TAF4B: variants seen among roughly 807,000 people sequenced by gnomAD.
TAF4B encodes the protein transcription initiation factor TFIID subunit 4B.
A neutral mutation model predicts 86.4 loss-of-function variants in TAF4B; 38 were observed. That is an observed-to-expected ratio of 0.44 (90% CI 0.34 to 0.58). The LOEUF is 0.58. TAF4B is among the 20% of genes least tolerant of loss of function. The pLI is 0.02. For missense variants in TAF4B, 988 were observed against 1,027.6 expected (o/e 0.96, Z 0.53); for synonymous variants, 388 against 391.2 (o/e 0.99, Z 0.10).
rs1483063709 is a variant in TAF4B, at chr18:26,315,246, A to G, written c.1850A>G (p.Asn617Ser). 10 of 1,609,374 alleles carry G rather than the reference A, an allele frequency of 6.2e-6. No homozygotes were observed. The highest frequency in any genetic ancestry group is 4.0e-5 in the African/African-American group (3 of 74,378). ...TSCFRDEDDI[N>S]DVTSMAGVNL... ...TCTATTAGAGATGAGGATGACATCAATGATGTGACTTCTATGGCAGGGGTC... is the reference window on the plus strand; with the variant it reads ...TCTATTAGAGATGAGGATGACATCAGTGATGTGACTTCTATGGCAGGGGTC... The change falls in exon 10 of 15, where the codon AAT becomes AGT. Residue 617 changes from asparagine (N) to serine (S), a missense_variant. Asn to Ser is a conservative substitution (Grantham distance 46). Coordinates refer to ENST00000269142, the MANE Select transcript of TAF4B (RefSeq NM_005640.3).
intron 1 of TAF4B, among the ~76,000 whole-genome samples, chr18:26,239,977 T>A (rs998008247): frequency 1.4e-4 from 21 of 152,332 alleles, no homozygotes; most frequent in African/African-American, 5.1e-4. Context: ...ACCATGCTGT[T>A]TTGGTTACTA....
In TAF4B at chr18:26,315,407, A is replaced by G. The variant is rs1428046186; in HGVS notation, c.2002+9A>G. 1 of 1,604,470 alleles carries G rather than the reference A, an allele frequency of 6.2e-7. No homozygotes were observed. Among genetic ancestry groups the G allele is most frequent in the East Asian group, 2.2e-5 (1 of 44,756 alleles). ...GAGAATTTTAGACATTGGTAAGTGT[A>G]GAGTTATGATTATTGACCTGATAGA... On this transcript the variant is annotated intron_variant, in intron 10 of 14. Coordinates refer to ENST00000269142, the MANE Select transcript of TAF4B (RefSeq NM_005640.3).
chr18:26,337,554 C>G (rs1201781244), intron 13 of TAF4B, among the ~76,000 whole-genome samples: 1 of 151,694 alleles, frequency 6.6e-6, no homozygotes, highest in Non-Finnish European at 1.5e-5. Flanking sequence ...TCCCGAGTAG[C>G]TGGGATTACA....
In TAF4B at chr18:26,267,596, C is replaced by T. The variant is rs1443484138; in HGVS notation, c.570C>T (p.Thr190=). ...KLAQIGTTVV[T]TVPKPSSVQS... ...CACAAATAGGAACTACTGTGGTAACCACTGTTCCGAAGCCTTCCTCAGTAC... is the reference window on the plus strand; with the variant it reads ...CACAAATAGGAACTACTGTGGTAACTACTGTTCCGAAGCCTTCCTCAGTAC... Residue 190 remains threonine (T), a synonymous_variant, in exon 3 of 15, where the codon ACC becomes ACT. Coordinates refer to ENST00000269142, the MANE Select transcript of TAF4B (RefSeq NM_005640.3). 1 of 1,613,944 alleles carries T rather than the reference C, an allele frequency of 6.2e-7. No individual in the cohort carries two copies. Among genetic ancestry groups the T allele is most frequent in the Non-Finnish European group, 8.5e-7 (1 of 1,179,870 alleles).
intron 1 of TAF4B, among the ~76,000 whole-genome samples, chr18:26,261,967 A>G (rs1386493601): frequency 1.3e-5 from 2 of 152,154 alleles, no homozygotes; most frequent in Admixed American, 6.5e-5. Flanking sequence ...TCCCTGCTCT[A>G]GGAACAAGGT....
intron 3 of TAF4B, among the ~76,000 whole-genome samples, chr18:26,269,038 G>C (rs925793800): frequency 6.6e-6 from 1 of 152,020 alleles, no homozygotes; most frequent in Non-Finnish European, 1.5e-5. Context: ...TGGCCAGGCT[G>C]GTCTCGAACT....
In TAF4B at chr18:26,390,105, A is replaced by G; in HGVS notation, c.*93A>G. The G allele has an allele frequency of 7.7e-7, 1 of 1,298,610 alleles. No individual in the cohort carries two copies. The highest frequency in any genetic ancestry group is 1.1e-6 in the Non-Finnish European group (1 of 949,062). The allele number at this position is 1,298,610 out of a possible 1,614,324, so 80.4% of individuals were successfully genotyped here. A position where few individuals can be genotyped will look rare whatever the true frequency, so the allele number is the denominator to read the frequency against. On this transcript the variant is annotated 3_prime_UTR_variant, in exon 15 of 15. Coordinates refer to ENST00000269142, the MANE Select transcript of TAF4B (RefSeq NM_005640.3). ...GTCCTGAAATTTCAATTTCTGGAAA[A>G]TAATCACCAACATGAAAGAGCATTG... is the stretch of plus-strand genomic sequence containing the variant.
At chr18:26,343,532 A>G (rs1402363434) in intron 13 of TAF4B, among the ~76,000 whole-genome samples, 1 of 152,250 alleles carries the variant, frequency 6.6e-6, no homozygotes, top group African/African-American at 2.4e-5. Flanking sequence ...CAGAAGTCAC[A>G]TTGGAACCTG....
In TAF4B at chr18:26,274,951, G is replaced by A; in HGVS notation, c.780G>A (p.Lys260=). 6.2e-7 allele frequency: 1 copy of A among 1,613,292 alleles called. No individual in the cohort carries two copies. The change falls in exon 5 of 15, where the codon AAG becomes AAA. Residue 260 remains lysine (K), a synonymous_variant. Coordinates refer to ENST00000269142, the MANE Select transcript of TAF4B (RefSeq NM_005640.3). ...TTTAGACAATGCTAGAAAATGTGAA[G>A]AAATGCAAGAACTTCCTTGCAATGT... ...NLSPTMLENV[K]KCKNFLAMLI...
intron 10 of TAF4B, among the ~76,000 whole-genome samples, chr18:26,316,990 G>A (rs1172841455): frequency 1.3e-5 from 2 of 149,128 alleles, no homozygotes; most frequent in East Asian, 2.0e-4. Flanking sequence ...TAAAATATAA[G>A]TAGATACTTA....
At chr18:26,247,347 T>C (rs1311345154) in intron 1 of TAF4B, among the ~76,000 whole-genome samples, 6 of 152,234 alleles carry the variant, frequency 3.9e-5, no homozygotes, top group Admixed American at 6.5e-5. Flanking sequence ...AAGGTACTTA[T>C]GCAGCATTTG....
intron 14 of TAF4B, among the ~76,000 whole-genome samples, chr18:26,367,210 G>A (rs1184392959): frequency 6.6e-6 from 1 of 152,198 alleles, no homozygotes; most frequent in Non-Finnish European, 1.5e-5. Context: ...TGGCTGACAT[G>A]ATTATGGAAT....
intron 6 of TAF4B, 133 bp from the exon 7 acceptor site, chr18:26,285,749 C>G: frequency 9.2e-7 from 1 of 1,081,602 alleles, no homozygotes; most frequent in Non-Finnish European, 1.3e-6. Flanking sequence ...GTAAGTGATA[C>G]AAGCTGTCTT....
chr18:26,291,406 G>A (rs2056590883), intron 7 of TAF4B, among the ~76,000 whole-genome samples: 1 of 151,928 alleles, frequency 6.6e-6, no homozygotes, highest in African/African-American at 2.4e-5. Flanking sequence ...GGTGGCTCAC[G>A]CCCTGTGTGA....
intron 14 of TAF4B, among the ~76,000 whole-genome samples, chr18:26,365,223 T>A (rs1401104566): frequency 6.6e-6 from 1 of 152,186 alleles, no homozygotes; most frequent in African/African-American, 2.4e-5. Flanking sequence ...GCCAGGCTGG[T>A]CTTGAACTCC....
chr18:26,253,016 C>A (rs1217787510), intron 1 of TAF4B, among the ~76,000 whole-genome samples: 1 of 152,024 alleles, frequency 6.6e-6, no homozygotes, highest in Non-Finnish European at 1.5e-5. Flanking sequence ...AATAATTTTA[C>A]TCATTCCCTT....
At position 26,240,430 on chromosome 18, in the gene TAF4B, GT is replaced by G. The variant is rs544902963; in HGVS notation, c.343+13158del. On this transcript the variant is annotated intron_variant, in intron 1 of 14. Transcript: ENST00000269142. ...GAATGCTTGTGATTTTTGCACATTG[GT>G]TTTGTATCCTGAGACTTTGCTGAAG... Among the ~76,000 whole-genome samples, 170 of 152,186 alleles carry G rather than the reference GT, an allele frequency of 1.1e-3. No homozygotes were observed. The South Asian group carries it at 0.012, about 10-fold the overall frequency.
At chr18:26,326,189 C>G (rs1355147008) in intron 11 of TAF4B, among the ~76,000 whole-genome samples, 1 of 152,134 alleles carries the variant, frequency 6.6e-6, no homozygotes, top group Non-Finnish European at 1.5e-5. Context: ...ACCCTGTCCC[C>G]CACTCCTGCC....
At chr18:26,232,387 G>A (rs2055685916) in intron 1 of TAF4B, among the ~76,000 whole-genome samples, 1 of 152,152 alleles carries the variant, frequency 6.6e-6, no homozygotes, top group Non-Finnish European at 1.5e-5. Flanking sequence ...TTGGTCCAGG[G>A]GTCCTCAGTA....
Sources: gnomAD v4.1 joint callset for allele counts (sites outside exome capture counted in the v4.1 genomes callset) on GRCh38, gnomAD v4.1.1 for gene constraint, MANE v1.5 for transcripts, NCBI Gene and HGNC (gene_info 2026-07-23, HGNC 2026-07-21) for gene names.